Variants in BMS1 observed in about 807,000 individuals in gnomAD.
BMS1 encodes the protein BMS1 ribosome biogenesis factor.
Under a neutral mutation model 138.7 loss-of-function variants are expected in BMS1, and 53 were observed. The observed-to-expected ratio is 0.38, with a 90% CI of 0.31 to 0.48. BMS1 has a LOEUF of 0.48. Among genes scored for constraint, BMS1 ranks in the 20% least tolerant of loss-of-function variants. The probability of loss-of-function intolerance (pLI) is 0.97; values close to 1 mark genes in which losing one functional copy is unlikely to be tolerated. For missense variants in BMS1, 1,360 were observed against 1,565.5 expected, an observed-to-expected ratio of 0.87 and a Z score of 2.22; for synonymous variants, 504 against 539.9, an observed-to-expected ratio of 0.93 and a Z score of 0.92.
At chr10:42,806,040 G>A (rs114870475) in intron 13 of BMS1, among the ~76,000 whole-genome samples, 3,494 of 152,212 alleles carry the variant, frequency 0.023, 125 homozygotes, top group African/African-American at 0.078. Context: ...CCTCAAGTGT[G>A]TGTTTGGAGG....
At chr10:42,829,147 C>A (rs755386548) in intron 21 of BMS1, among the ~76,000 whole-genome samples, 5 of 152,044 alleles carry the variant, frequency 3.3e-5, no homozygotes, top group Admixed American at 6.6e-5. Context: ...TCCGTCTCCA[C>A]TAAAAATACA....
chr10:42,821,052 G>GTTA, intron 18 of BMS1, 60 bp downstream of exon 18: 1 of 1,345,242 alleles, frequency 7.4e-7, no homozygotes, highest in Non-Finnish European at 1.0e-6. Flanking sequence ...CTGGGTGTGG[G>GTTA]TTATTATGTA....
chr10:42,817,757 G>C (rs969463534), intron 15 of BMS1, among the ~76,000 whole-genome samples: 5 of 152,180 alleles, frequency 3.3e-5, no homozygotes, highest in Admixed American at 2.0e-4. Context: ...CTGAGACATG[G>C]TCTCTACTTT....
intron 15 of BMS1, among the ~76,000 whole-genome samples, chr10:42,819,785 C>A (rs1375013043): frequency 6.6e-6 from 1 of 150,914 alleles, no homozygotes; most frequent in Non-Finnish European, 1.5e-5. Context: ...ATATGTAGGT[C>A]TTTTTTTTTG....
rs766176489 is a variant in BMS1 at position 42,793,830 on chromosome 10, C to A, written c.1090-22C>A. On this transcript the variant is annotated intron_variant, in intron 8 of 22. Coordinates refer to ENST00000374518, the MANE Select transcript of BMS1 (RefSeq NM_014753.4). ...GGATCTTTGTGCTTTCCTCACGTGC[C>A]CTTTCTTGGTGGTCTTGACAGGATG... is the stretch of plus-strand genomic sequence containing the variant. 7 of 1,596,768 alleles carry A rather than the reference C, an allele frequency of 4.4e-6. No individual in the cohort carries two copies. In the Admixed American group the frequency reaches 5.5e-5, roughly 12 times the overall value.
At chr10:42,794,760 CCTT>C (rs1230140627) in intron 9 of BMS1, among the ~76,000 whole-genome samples, 3 of 146,946 alleles carry the variant, frequency 2.0e-5, no homozygotes, top group African/African-American at 4.9e-5. Context: ...ATTATCATTT[CCTT>C]CTTTTTTTTT....
At chr10:42,796,100 T>C (rs1841675398) in intron 9 of BMS1, among the ~76,000 whole-genome samples, 1 of 152,252 alleles carries the variant, frequency 6.6e-6, no homozygotes, top group Non-Finnish European at 1.5e-5. Flanking sequence ...CTTTCTGCTT[T>C]GGGCCTGGAC....
intron 9 of BMS1, among the ~76,000 whole-genome samples, chr10:42,796,060 G>A (rs1293685257): frequency 1.3e-5 from 2 of 152,196 alleles, no homozygotes; most frequent in Non-Finnish European, 2.9e-5. Flanking sequence ...CTTTCTGACA[G>A]AACAAGAGGA....
Position 42,831,146 on chromosome 10 carries a change from C to A in BMS1, c.*50C>A. 1 of 1,504,246 alleles carries A rather than the reference C, an allele frequency of 6.6e-7. No homozygotes were observed. Among genetic ancestry groups the A allele is most frequent in the Non-Finnish European group, 9.0e-7 (1 of 1,117,158 alleles). 93.2% of individuals were successfully genotyped at this position (1,504,246 alleles called of 1,614,324 possible). ...CTGGATCTGCGGAGGTAGACAGTTT[C>A]AAACATCACAGTTTGAATGCCTGTG... On this transcript the variant is annotated 3_prime_UTR_variant, in exon 23 of 23. Coordinates refer to ENST00000374518, the MANE Select transcript of BMS1 (RefSeq NM_014753.4).
chr10:42,816,041 G>C (rs12770094), intron 13 of BMS1, among the ~76,000 whole-genome samples: 71,670 of 151,860 alleles, frequency 0.47, 17,634 homozygotes, highest in East Asian at 0.63. Flanking sequence ...GTGGCTCATG[G>C]CTGTAATCCC....
intron 5 of BMS1, 55 bp from the exon 6 acceptor site, chr10:42,791,572 A>G (rs1211550950): frequency 1.3e-6 from 2 of 1,483,364 alleles, no homozygotes; most frequent in South Asian, 1.3e-5. Context: ...ATTTTGTTGC[A>G]GTATTGATGA....
rs539597990 is a variant in BMS1, at chr10:42,791,836, G to A, written c.779+67G>A. The A allele has an allele frequency of 3.9e-4, 598 of 1,525,220 alleles. 1 individual carries two copies. The African/African-American group carries it at 7.6e-3, about 19-fold the overall frequency. The allele number at this position is 1,525,220 out of a possible 1,614,324, so 94.5% of individuals were successfully genotyped here. A position where few individuals can be genotyped will look rare whatever the true frequency, so the allele number is the denominator to read the frequency against. ...TTCAAAGCTAAAAAGGCTAGAAAAA[G>A]AACAGTGATAGGATTTATTTTGTGC... On this transcript the variant is annotated intron_variant, in intron 6 of 22. Coordinates refer to ENST00000374518, the MANE Select transcript of BMS1 (RefSeq NM_014753.4).
rs1159493303 is a variant in BMS1, at chr10:42,784,923, CTTTA to C, written c.176+358_176+361del. Reference sequence around the variant, plus strand: ...ATTACAATATTTAATACTAACATAGCTTTATTTAGTGAGCCCTTGTGATATGCCT... The same window carrying C: ...ATTACAATATTTAATACTAACATAGCTTTAGTGAGCCCTTGTGATATGCCT... On this transcript the variant is annotated intron_variant, in intron 2 of 22. Transcript: ENST00000374518. Among the ~76,000 whole-genome samples, 7 of 152,278 alleles carry C rather than the reference CTTTA, an allele frequency of 4.6e-5. No individual in the cohort carries two copies. In the South Asian group the frequency reaches 1.5e-3, roughly 32 times the overall value.
intron 9 of BMS1, among the ~76,000 whole-genome samples, chr10:42,795,668 A>T (rs949434571): frequency 2.0e-5 from 3 of 151,882 alleles, no homozygotes; most frequent in Non-Finnish European, 2.9e-5. Context: ...TATGATTTTC[A>T]GTTTTTTCAA....
intron 2 of BMS1, 96 bp downstream of exon 2, chr10:42,784,666 C>T: frequency 1.5e-6 from 2 of 1,375,168 alleles, no homozygotes; most frequent in South Asian, 1.6e-5. Context: ...GAGTCTAGTC[C>T]AGCTCCAAAG....
chr10:42,819,059 G>T (rs1221349491), intron 15 of BMS1, among the ~76,000 whole-genome samples: 1 of 152,228 alleles, frequency 6.6e-6, no homozygotes, highest in Non-Finnish European at 1.5e-5. Flanking sequence ...AGAGGAACTG[G>T]AGGCTGCAAC....
rs1842377869 is a variant in BMS1 at position 42,817,347 on chromosome 10, A to C, written c.2433A>C (p.Glu811Asp). The C allele has an allele frequency of 6.2e-7, 1 of 1,605,882 alleles. No individual in the cohort carries two copies. ...QNEDIEKEVK[E>D]EIDPDEEESA... ...AAGATATAGAGAAAGAAGTTAAGGA[A>C]GAAATTGACCCCGACGAAGAAGAAA... The change falls in exon 15 of 23, where the codon GAA (glutamate) becomes GAC (aspartate). Residue 811 changes from glutamate (E) to aspartate (D), a missense_variant. This residue lies in a region of BMS1 where 697 missense variants were observed against 686.2 expected (regional missense o/e 1.02). Coordinates refer to ENST00000374518, the MANE Select transcript of BMS1 (RefSeq NM_014753.4).
At chr10:42,787,364 A>G (rs1841368550) in intron 4 of BMS1, 117 bp downstream of exon 4, 4 of 828,628 alleles carry the variant, frequency 4.8e-6, no homozygotes, top group Non-Finnish European at 8.1e-6. Flanking sequence ...CATGGTCATC[A>G]TCAGTGATAC....
intron 1 of BMS1, 33 bp from the exon 2 acceptor site, chr10:42,784,329 C>T (rs535216739): frequency 1.8e-4 from 256 of 1,435,406 alleles, no homozygotes; most frequent in Non-Finnish European, 2.3e-4. Context: ...AAATGCTTCT[C>T]CCATCTCCTT....
Sources: allele counts gnomAD v4.1 joint callset (sites outside exome capture counted in the v4.1 genomes callset), GRCh38; gene constraint gnomAD v4.1.1; regional missense constraint gnomAD v4.1.1; transcripts MANE v1.5; gene names NCBI Gene and HGNC (gene_info 2026-07-23, HGNC 2026-07-21).